The following ABCC5 variants were observed in gnomAD, a reference collection of about 807,000 sequenced individuals.
The protein encoded by ABCC5 is ATP-binding cassette sub-family C member 5.
In ABCC5, 61 loss-of-function variants were observed where a neutral mutation model predicts 160.9. The observed-to-expected ratio is 0.38, with a 90% CI of 0.31 to 0.47. The LOEUF is 0.47. Among genes scored for constraint, ABCC5 ranks in the 20% least tolerant of loss-of-function variants. ABCC5 has a pLI of 0.99. For missense variants in ABCC5, 1,308 were observed against 1,813.3 expected (o/e 0.72, Z 5.06); for synonymous variants, 666 against 700.6 (o/e 0.95, Z 0.78).
At chr3:183,970,840 G>A (rs1304874307) in intron 11 of ABCC5, among the ~76,000 whole-genome samples, 2 of 152,152 alleles carry the variant, frequency 1.3e-5, no homozygotes, top group Non-Finnish European at 2.9e-5. Context: ...CAAGAAGGAC[G>A]GGATTTTTGT....
chr3:183,955,613 A>C (rs1353334853), intron 17 of ABCC5, among the ~76,000 whole-genome samples: 1 of 152,220 alleles, frequency 6.6e-6, no homozygotes, highest in Admixed American at 6.5e-5. Flanking sequence ...CAGGGAGTAC[A>C]TCTGCAGATC....
chr3:183,931,279 C>T (rs1187873588), intron 26 of ABCC5, among the ~76,000 whole-genome samples: 4 of 151,678 alleles, frequency 2.6e-5, no homozygotes, highest in African/African-American at 7.3e-5. Context: ...ACTGAGTAGC[C>T]GGCCCTATCA....
In ABCC5 at chr3:183,963,531, G is replaced by A. The variant is rs959445939; in HGVS notation, c.2089C>T (p.Arg697Trp). 3.1e-6 allele frequency: 5 copies of A among 1,614,202 alleles called. No homozygotes were observed. Among genetic ancestry groups the A allele is most frequent in the East Asian group, 4.5e-5 (2 of 44,880 alleles). Reference protein sequence around the residue: ...GGQRQRISLARALYSDRSIYI... With the variant: ...GGQRQRISLAWALYSDRSIYI... ...ATGCTCCTGTCACTATACAAGGCCCGGGCAAGGCTGATCCTCTGGCGCTGC... is the reference window on the plus strand; with the variant it reads ...ATGCTCCTGTCACTATACAAGGCCCAGGCAAGGCTGATCCTCTGGCGCTGC... The change falls in exon 15 of 30, where the codon CGG becomes TGG. Residue 697 changes from arginine (R) to tryptophan (W), a missense_variant. Physicochemically the swap from Arg to Trp is moderately radical, Grantham distance 101. This residue lies in a region of ABCC5 where 1,142 missense variants were observed against 1,527.1 expected (regional missense o/e 0.75). Coordinates refer to ENST00000334444, the MANE Select transcript of ABCC5 (RefSeq NM_005688.4). This position sits in a 1 kb window ranked among gnomAD's most constrained non-coding sequence, Gnocchi z 4.6.
At chr3:183,971,412 T>C in intron 11 of ABCC5, 151 bp downstream of exon 11, 1 of 630,730 alleles carries the variant, frequency 1.6e-6, no homozygotes, top group Non-Finnish European at 2.7e-6. Flanking sequence ...TGGTTTTTTT[T>C]TAGAGTTAGA....
At chr3:183,961,719 T>A in intron 15 of ABCC5, 65 bp from the exon 16 acceptor site, 4 of 1,590,130 alleles carry the variant, frequency 2.5e-6, no homozygotes, top group Non-Finnish European at 3.4e-6. Flanking sequence ...AACCCATACA[T>A]TAGTTCAGTA....
At chr3:183,927,955 G>T (rs1712753905) in intron 27 of ABCC5, 3 of 378,876 alleles carry the variant, frequency 7.9e-6, no homozygotes, top group Non-Finnish European at 7.2e-6. Context: ...CTCAACCCAG[G>T]CATAACAGAA....
rs1712463576 is a variant in ABCC5, at chr3:183,925,617, T to C, written c.4150A>G (p.Ile1384Val). The change falls in exon 29 of 30, where the codon ATT becomes GTT. Residue 1384 changes from isoleucine to valine, a missense_variant. Ile to Val is a conservative substitution (Grantham distance 29). Coordinates refer to ENST00000334444, the MANE Select transcript of ABCC5 (RefSeq NM_005688.4). ...EAFADCTMLTIAHRLHTVLGS... is the reference protein window; with the variant it reads ...EAFADCTMLTVAHRLHTVLGS... The stretch of plus-strand genomic sequence containing the variant: ...AGAACCGTGTGCAGGCGATGGGCAA[T>C]GGTCAGCATGGTACAGTCTGCAAAT... The C allele has an allele frequency of 1.9e-6, 3 of 1,613,926 alleles. No individual in the cohort carries two copies. Among genetic ancestry groups the C allele is most frequent in the African/African-American group, 1.3e-5 (1 of 74,876 alleles).
chr3:184,002,162 C>T (rs1382665281), intron 2 of ABCC5, among the ~76,000 whole-genome samples: 1 of 152,016 alleles, frequency 6.6e-6, no homozygotes, highest in Non-Finnish European at 1.5e-5. Context: ...TTTTGGGAGG[C>T]CAAGGTGGGA....
rs1338507063 is a variant in ABCC5, at chr3:183,951,421, A to G, written c.2944+20T>C. ...CACAGTGAGCTCCAGAGTATTAAAA[A>G]AAGGCTCAGTGAGAAATACCTTCAT... On this transcript the variant is annotated intron_variant, in intron 20 of 29. Transcript: ENST00000334444. This position sits in a 1 kb window ranked among gnomAD's most constrained non-coding sequence, Gnocchi z 4.7. 2 of 1,613,264 alleles carry G rather than the reference A, an allele frequency of 1.2e-6. No homozygotes were observed. Among genetic ancestry groups the G allele is most frequent in the Admixed American group, 3.3e-5 (2 of 59,886 alleles).
At chr3:183,999,747 C>A (rs868742367) in intron 2 of ABCC5, among the ~76,000 whole-genome samples, 1 of 152,014 alleles carries the variant, frequency 6.6e-6, no homozygotes, top group African/African-American at 2.4e-5. Flanking sequence ...CCTCTGCACC[C>A]CAGCCTGGGT....
chr3:183,953,140 G>T lies in ABCC5; in HGVS notation c.2613C>A (p.Gly871=), dbSNP rs751690401. 6.2e-5 allele frequency: 100 copies of T among 1,613,970 alleles called. No individual in the cohort carries two copies. Among genetic ancestry groups the T allele is most frequent in the Non-Finnish European group, 8.4e-5 (99 of 1,180,036 alleles). Residue 871 remains glycine, a synonymous_variant, in exon 18 of 30, where the codon GGC becomes GGA. Coordinates refer to ENST00000334444, the MANE Select transcript of ABCC5 (RefSeq NM_005688.4). ...ACCACCAGGTGCTGAAGGCGGTGCT[G>T]CCTACATTCAGCATGAAAAGGGCCA... is the stretch of plus-strand genomic sequence containing the variant. ...VIMALFMLNV[G]STAFSTWWLS...
chr3:183,985,278 T>C (rs2108860261), intron 5 of ABCC5: 1 of 1,594,396 alleles, frequency 6.3e-7, no homozygotes, highest in Non-Finnish European at 8.6e-7. Context: ...GTGGAAAGCA[T>C]TCCCAGTGAA....
chr3:183,977,668 G>T, intron 9 of ABCC5, 44 bp from the exon 10 acceptor site: 1 of 1,402,542 alleles, frequency 7.1e-7, no homozygotes, highest in Non-Finnish European at 1.0e-6. Flanking sequence ...ATGATGCTAT[G>T]CAACTGAAGT....
intron 17 of ABCC5, among the ~76,000 whole-genome samples, chr3:183,957,295 T>G (rs1303386078): frequency 3.7e-5 from 4 of 108,586 alleles, no homozygotes; most frequent in African/African-American, 1.3e-4. Context: ...ATCAGTTACA[T>G]GCGGATCCGT....
At position 183,947,437 on chromosome 3, in the gene ABCC5, G is replaced by C. The variant is rs11552530; in HGVS notation, c.3301C>G (p.Arg1101Gly). Residue 1101 changes from arginine (R) to glycine (G), a missense_variant, in exon 23 of 30, where the codon CGG (arginine) becomes GGG (glycine). Physicochemically the swap from Arg to Gly is moderately radical, Grantham distance 125. Around this residue, in one of 3 missense-constraint regions of ABCC5, gnomAD observed 1,142 missense variants for 1,527.1 expected, o/e 0.75. Coordinates refer to ENST00000334444, the MANE Select transcript of ABCC5 (RefSeq NM_005688.4). ...AGGGCGATGCTGATGAGGTCCAGCC[G>C]CACAGCCAGCCACCGCATCGCACAC... ...FTCAMRWLAV[R>G]LDLISIALIT... The C allele has an allele frequency of 6.2e-7, 1 of 1,613,090 alleles. No homozygotes were observed. Among genetic ancestry groups the C allele is most frequent in the Non-Finnish European group, 8.5e-7 (1 of 1,179,282 alleles).
chr3:183,921,495 G>T lies in ABCC5; in HGVS notation c.4213-94C>A. On this transcript the variant is annotated intron_variant, in intron 29 of 29. Coordinates refer to ENST00000334444, the MANE Select transcript of ABCC5 (RefSeq NM_005688.4). This position sits in a 1 kb window ranked among gnomAD's most constrained non-coding sequence, Gnocchi z 4.1. ...CTCAGTAAGTGCCAGTGCCCTCTGA[G>T]GGTAGAATCTGGGGACAATTCAACT... is the stretch of plus-strand genomic sequence containing the variant. The T allele has an allele frequency of 8.6e-7, 1 of 1,167,444 alleles. No individual in the cohort carries two copies. Among genetic ancestry groups the T allele is most frequent in the East Asian group, 2.7e-5 (1 of 36,424 alleles). The allele number at this position is 1,167,444 out of a possible 1,614,324, so 72.3% of individuals were successfully genotyped here.
rs1289606247 is a variant in ABCC5 at position 183,927,903 on chromosome 3, T to C, written c.3934-460A>G. On this transcript the variant is annotated intron_variant, in intron 27 of 29. Transcript: ENST00000334444. ...AGAGCAGAGGAAAAAACAGAACTCA[T>C]CTACTAATAGTTGAATTAGGGCAGG... 6.2e-6 allele frequency: 5 copies of C among 808,328 alleles called. No homozygotes were observed. In the East Asian group the frequency reaches 6.3e-4, roughly 101 times the overall value. The allele number at this position is 808,328 out of a possible 1,614,324, so 50.1% of individuals were successfully genotyped here. A position where few individuals can be genotyped will look rare whatever the true frequency, so the allele number is the denominator to read the frequency against.
intron 5 of ABCC5, chr3:183,983,600 G>A (rs1327607188): frequency 5.9e-6 from 2 of 337,980 alleles, no homozygotes; most frequent in Non-Finnish European, 8.4e-6. Context: ...ATGAAAACAT[G>A]TTACCTCAGG....
chr3:184,011,003 A>G (rs769974197), intron 2 of ABCC5, among the ~76,000 whole-genome samples: 3 of 151,958 alleles, frequency 2.0e-5, no homozygotes, highest in Non-Finnish European at 4.4e-5. Context: ...CGGCCTCCCA[A>G]AGTGCTAGGA....
Sources: gnomAD v4.1 joint callset for allele counts (sites outside exome capture counted in the v4.1 genomes callset) on GRCh38, gnomAD v4.1.1 for gene constraint, gnomAD v4.1.1 regional missense constraint, Gnocchi (gnomAD v3.1) non-coding constraint, MANE v1.5 for transcripts, NCBI Gene and HGNC (gene_info 2026-07-23, HGNC 2026-07-21) for gene names.